The following CAMK2A variants were observed in gnomAD, a reference collection of about 807,000 sequenced individuals.
The protein encoded by CAMK2A is calcium/calmodulin-dependent protein kinase type II subunit alpha.
CAMK2A carries 7 observed loss-of-function variants against 79.2 expected under a neutral mutation model. The ratio of observed to expected loss-of-function variants is 0.09; its 90% CI spans 0.05 to 0.17. CAMK2A has a LOEUF of 0.17. Among genes scored for constraint, CAMK2A ranks in the 10% least tolerant of loss-of-function variants. The probability of loss-of-function intolerance (pLI) is 1.00; values close to 1 mark genes in which losing one functional copy is unlikely to be tolerated. For missense variants in CAMK2A, 214 were observed against 646.4 expected, an observed-to-expected ratio of 0.33 and a Z score of 7.25; for synonymous variants, 242 against 251.7, an observed-to-expected ratio of 0.96 and a Z score of 0.36.
chr5:150,265,663 T>C (rs911487998), intron 2 of CAMK2A, among the ~76,000 whole-genome samples: 7 of 152,100 alleles, frequency 4.6e-5, no homozygotes, highest in African/African-American at 1.7e-4. Flanking sequence ...TGAATGAAGC[T>C]GGGCACAGTG....
chr5:150,266,098 G>C (rs928742106), intron 2 of CAMK2A, among the ~76,000 whole-genome samples: 2 of 152,256 alleles, frequency 1.3e-5, no homozygotes, highest in African/African-American at 4.8e-5. Flanking sequence ...GGGACACAGA[G>C]AGCCCCAAAG....
intron 1 of CAMK2A, among the ~76,000 whole-genome samples, chr5:150,282,507 C>T (rs1417296117): frequency 6.6e-6 from 1 of 152,232 alleles, no homozygotes; most frequent in Non-Finnish European, 1.5e-5. Context: ...AGAGTATACA[C>T]CACAAAGGCT....
At chr5:150,279,269 G>T (rs939597195) in intron 1 of CAMK2A, among the ~76,000 whole-genome samples, 11 of 152,126 alleles carry the variant, frequency 7.2e-5, no homozygotes, top group Admixed American at 6.5e-4. Flanking sequence ...ACTATATGTG[G>T]CTAATGACTG....
chr5:150,259,900 C>T (rs774870375), intron 3 of CAMK2A, among the ~76,000 whole-genome samples: 5 of 151,686 alleles, frequency 3.3e-5, no homozygotes, highest in Non-Finnish European at 5.9e-5. Flanking sequence ...ACCCAGGAGA[C>T]GGAGGTTGCA....
chr5:150,253,948 C>T (rs1228960269), intron 6 of CAMK2A, among the ~76,000 whole-genome samples: 4 of 152,218 alleles, frequency 2.6e-5, no homozygotes, highest in Non-Finnish European at 4.4e-5. Flanking sequence ...CTTGTATCAA[C>T]GACCCTTTCG....
chr5:150,262,235 A>G (rs1756331956), intron 3 of CAMK2A, among the ~76,000 whole-genome samples: 1 of 152,210 alleles, frequency 6.6e-6, no homozygotes, highest in Admixed American at 6.5e-5. Context: ...GTGGCCACAC[A>G]GAAGCAGCGA....
chr5:150,230,904 G>A lies in CAMK2A; in HGVS notation c.1142+401C>T, dbSNP rs1036019393. On this transcript the variant is annotated intron_variant, in intron 16 of 18. Coordinates refer to ENST00000671881, the MANE Select transcript of CAMK2A (RefSeq NM_015981.4). ...GAGGTCAGAGGTCCAAGGGAGTCTA[G>A]GGTGAGCACTCAGGCCTACTGGGCA... 3.9e-5 allele frequency among the ~76,000 whole-genome samples: 6 copies of A among 152,310 alleles called. No individual in the cohort carries two copies. The East Asian group carries it at 1.2e-3, about 29-fold the overall frequency.
chr5:150,234,821 T>C (rs974484227), intron 15 of CAMK2A, among the ~76,000 whole-genome samples: 1 of 152,184 alleles, frequency 6.6e-6, no homozygotes, highest in Non-Finnish European at 1.5e-5. Flanking sequence ...CTGCCCTGGC[T>C]ATTTTCACTT....
chr5:150,238,465 A>T (rs1355639660), intron 15 of CAMK2A: 7 of 485,432 alleles, frequency 1.4e-5, no homozygotes, highest in East Asian at 4.0e-5. Flanking sequence ...AAAATAAAAT[A>T]AAAATAAATA....
At chr5:150,253,131 T>C (rs1580925231) in intron 7 of CAMK2A, among the ~76,000 whole-genome samples, 1 of 152,230 alleles carries the variant, frequency 6.6e-6, no homozygotes. Context: ...CTGTGGAAAC[T>C]TCCCTAAGGC....
intron 13 of CAMK2A, among the ~76,000 whole-genome samples, chr5:150,241,910 C>A (rs911197119): frequency 2.0e-5 from 3 of 152,192 alleles, no homozygotes; most frequent in Non-Finnish European, 2.9e-5. Flanking sequence ...GGGGCCAGGC[C>A]CCACACAGCT....
chr5:150,253,781 C>T (rs1302175750), intron 6 of CAMK2A, among the ~76,000 whole-genome samples: 2 of 152,212 alleles, frequency 1.3e-5, no homozygotes, highest in Non-Finnish European at 2.9e-5. Flanking sequence ...TCTCCATCAG[C>T]CACTCCTCCC....
chr5:150,236,236 T>G (rs1755053538), intron 15 of CAMK2A, among the ~76,000 whole-genome samples: 1 of 152,222 alleles, frequency 6.6e-6, no homozygotes, highest in Non-Finnish European at 1.5e-5. Flanking sequence ...TAATTTACAT[T>G]AATAGTGCAT....
chr5:150,223,288 C>T lies in CAMK2A; in HGVS notation c.1238-71G>A. ...TCCTGTCTCACTTTCTTCACTTTCT[C>T]CACTCCCAGCAGCCCTCTCAATGGA... On this transcript the variant is annotated intron_variant, in intron 17 of 18. Coordinates refer to ENST00000671881, the MANE Select transcript of CAMK2A (RefSeq NM_015981.4). The surrounding 1 kb of genome is among the most constrained non-coding windows in gnomAD (Gnocchi z 4.1). The T allele has an allele frequency of 7.9e-7, 1 of 1,272,308 alleles. No homozygotes were observed. The highest frequency in any genetic ancestry group is 1.1e-6 in the Non-Finnish European group (1 of 901,166). 78.8% of individuals were successfully genotyped at this position (1,272,308 alleles called of 1,614,324 possible). A position where few individuals can be genotyped will look rare whatever the true frequency, so the allele number is the denominator to read the frequency against.
chr5:150,277,426 G>A (rs1410032020), intron 1 of CAMK2A, among the ~76,000 whole-genome samples: 1 of 152,218 alleles, frequency 6.6e-6, no homozygotes, highest in East Asian at 1.9e-4. Flanking sequence ...CAGCGAGGGG[G>A]GCTCTGCACA....
intron 1 of CAMK2A, among the ~76,000 whole-genome samples, chr5:150,279,197 A>G (rs1195128629): frequency 6.6e-6 from 1 of 152,130 alleles, no homozygotes; most frequent in East Asian, 1.9e-4. Flanking sequence ...GATGCTACAG[A>G]GCACTTGAAA....
At chr5:150,272,030 A>G (rs10476936) in intron 2 of CAMK2A, among the ~76,000 whole-genome samples, 32,657 of 152,124 alleles carry the variant, frequency 0.21, 3,765 homozygotes, top group African/African-American at 0.28. Context: ...CAAAACCCAG[A>G]TCACACCCCA....
chr5:150,225,041 G>GGAGAGAGAGAGA (rs58360121), intron 17 of CAMK2A, among the ~76,000 whole-genome samples: 56 of 108,924 alleles, frequency 5.1e-4, no homozygotes, highest in Admixed American at 2.0e-3. Context: ...TGGTAGGTAG[G>GGAGAGAGAGAGA]GAGAGAGAGA....
In CAMK2A at chr5:150,223,925, C is replaced by T. The variant is rs1275827670; in HGVS notation, c.1238-708G>A. Among the ~76,000 whole-genome samples, 1 of 152,188 alleles carries T rather than the reference C, an allele frequency of 6.6e-6. No homozygotes were observed. Among genetic ancestry groups the T allele is most frequent in the Non-Finnish European group, 1.5e-5 (1 of 68,030 alleles). On this transcript the variant is annotated intron_variant, in intron 17 of 18. Transcript: ENST00000671881. The surrounding 1 kb of genome is among the most constrained non-coding windows in gnomAD (Gnocchi z 4.1). ...CGTGGGCCTGTCTGAAGTATATCTA[C>T]TTCTACTGTATATCTACTTCTACTG... is the stretch of plus-strand genomic sequence containing the variant.
Sources: allele counts gnomAD v4.1 joint callset (sites outside exome capture counted in the v4.1 genomes callset), GRCh38; gene constraint gnomAD v4.1.1; non-coding constraint Gnocchi (gnomAD v3.1); transcripts MANE v1.5; gene names NCBI Gene and HGNC (gene_info 2026-07-23, HGNC 2026-07-21).